The following ABRACL variants were observed in gnomAD, a reference collection of about 807,000 sequenced individuals.
The protein encoded by ABRACL is costars family protein ABRACL.
A neutral mutation model predicts 7.0 loss-of-function variants in ABRACL; 4 were observed. The observed-to-expected ratio is 0.57, with a 90% CI of 0.28 to 1.30. The LOEUF (loss-of-function observed/expected upper bound fraction) is 1.30, where lower values mean the gene tolerates loss of function less well. Ranked by LOEUF, ABRACL falls within the 50% of genes most tolerant of loss-of-function variation. ABRACL has a pLI of 0.10. For missense variants in ABRACL, 104 were observed against 97.3 expected, an observed-to-expected ratio of 1.07 and a Z score of -0.29; for synonymous variants, 30 against 36.0, an observed-to-expected ratio of 0.83 and a Z score of 0.60.
Position 139,042,763 on chromosome 6 carries a change from GAT to G in ABRACL, c.107_108del (p.Asp36GlyfsTer2), listed in dbSNP as rs560335878. On this transcript the variant is annotated frameshift_variant, in exon 3 of 3. Coordinates refer to ENST00000367660, the MANE Select transcript of ABRACL (RefSeq NM_021243.3). LOFTEE classifies it high-confidence loss of function. ...CGTGAAATTTGGGGTCCTCTTCCGT[GAT>G]GATAAATGTGCCAACCTCTTTGAAG... ...LSVKFGVLFRDDKCANLFEAL... is the reference protein window; with the variant it reads ...LSVKFGVLFRXDKCANLFEAL... 1.9e-6 allele frequency: 3 copies of G among 1,613,368 alleles called. No individual in the cohort carries two copies. In the African/African-American group the frequency reaches 4.0e-5, roughly 22 times the overall value.
chr6:139,041,451 C>CTATATATATATA (rs1554211122), intron 2 of ABRACL, among the ~76,000 whole-genome samples: 12 of 110,038 alleles, frequency 1.1e-4, no homozygotes, highest in South Asian at 8.7e-4. Flanking sequence ...CTCTCTCTCT[C>CTATATATATATA]TATATATATA....
intron 1 of ABRACL, among the ~76,000 whole-genome samples, chr6:139,029,957 C>T (rs1280334716): frequency 6.6e-6 from 1 of 152,098 alleles, no homozygotes; most frequent in Non-Finnish European, 1.5e-5. Context: ...TGGTGAGTTT[C>T]GGGTTCTGCC....
intron 1 of ABRACL, among the ~76,000 whole-genome samples, chr6:139,029,398 G>A (rs1452749411): frequency 3.9e-5 from 6 of 152,156 alleles, no homozygotes; most frequent in Admixed American, 2.0e-4. Context: ...GGCAGGGTCC[G>A]TTTTCGTCGC....
At chr6:139,034,380 A>T (rs753894007) in intron 2 of ABRACL, 159 bp downstream of exon 2, 10 of 1,557,434 alleles carry the variant, frequency 6.4e-6, no homozygotes, top group Non-Finnish European at 8.7e-6. Flanking sequence ...CTTAGCCAGG[A>T]ATTGACATCT....
chr6:139,043,158 G>T lies in ABRACL; in HGVS notation c.*255G>T. On this transcript the variant is annotated 3_prime_UTR_variant, in exon 3 of 3. Coordinates refer to ENST00000367660, the MANE Select transcript of ABRACL (RefSeq NM_021243.3). ...AGGCAATGAGATTTTTTGCGGGGCA[G>T]GGATGGGAATGTTTGTTCATAAATA... The T allele has an allele frequency of 6.7e-6, 2 of 299,708 alleles. No individual in the cohort carries two copies. Among genetic ancestry groups the T allele is most frequent in the Admixed American group, 5.0e-5 (1 of 20,118 alleles). 18.6% of individuals were successfully genotyped at this position (299,708 alleles called of 1,614,324 possible). A position where few individuals can be genotyped will look rare whatever the true frequency, so the allele number is the denominator to read the frequency against.
At chr6:139,033,169 G>C (rs943719466) in intron 1 of ABRACL, among the ~76,000 whole-genome samples, 1 of 152,214 alleles carries the variant, frequency 6.6e-6, no homozygotes, top group Admixed American at 6.5e-5. Flanking sequence ...GAGAGAGCAA[G>C]GGGGCATTTG....
intron 2 of ABRACL, chr6:139,034,553 A>T (rs1786127012): frequency 7.0e-6 from 6 of 853,910 alleles, no homozygotes; most frequent in Non-Finnish European, 1.0e-5. Flanking sequence ...TACTATTAAA[A>T]TTCATGTTTT....
At position 139,037,913 on chromosome 6, in the gene ABRACL, A is replaced by G. The variant is rs549448966; in HGVS notation, c.61+3692A>G. Reference sequence around the variant, plus strand: ...TGCCTCAGCCTCCTGAGTAGCTGGGATTACAGGCATCTGCCACCACCCCCA... The same window carrying G: ...TGCCTCAGCCTCCTGAGTAGCTGGGGTTACAGGCATCTGCCACCACCCCCA... On this transcript the variant is annotated intron_variant, in intron 2 of 2. Coordinates refer to ENST00000367660, the MANE Select transcript of ABRACL (RefSeq NM_021243.3). 2.0e-3 allele frequency among the ~76,000 whole-genome samples: 297 copies of G among 151,386 alleles called. 2 individuals are homozygous for G. The highest frequency in any genetic ancestry group is 3.4e-3 in the Non-Finnish European group (229 of 67,908).
intron 2 of ABRACL, among the ~76,000 whole-genome samples, chr6:139,042,057 G>A (rs994176917): frequency 2.6e-5 from 4 of 152,130 alleles, no homozygotes; most frequent in African/African-American, 7.2e-5. Context: ...CAAAGGAATC[G>A]CCCAAGGATA....
chr6:139,029,722 C>A (rs1401428863), intron 1 of ABRACL, among the ~76,000 whole-genome samples: 1 of 151,966 alleles, frequency 6.6e-6, no homozygotes, highest in African/African-American at 2.4e-5. Context: ...AGTAAGGAGC[C>A]CAGTCACCCT....
At chr6:139,039,349 T>G (rs1479413308) in intron 2 of ABRACL, among the ~76,000 whole-genome samples, 2 of 152,216 alleles carry the variant, frequency 1.3e-5, no homozygotes, top group African/African-American at 4.8e-5. Context: ...GTGTCTTATC[T>G]TCCATGAAAT....
At chr6:139,029,524 C>T (rs1363273676) in intron 1 of ABRACL, among the ~76,000 whole-genome samples, 1 of 151,994 alleles carries the variant, frequency 6.6e-6, no homozygotes, top group African/African-American at 2.4e-5. Context: ...GCGGCCCTTC[C>T]CGGGCGCCAG....
chr6:139,034,100 T>C, intron 1 of ABRACL, 55 bp from the exon 2 acceptor site: 1 of 1,607,072 alleles, frequency 6.2e-7, no homozygotes, highest in Admixed American at 1.7e-5. Context: ...TGGATTTGGA[T>C]GTGCTTAATG....
chr6:139,034,073 A>C (rs1786120283), intron 1 of ABRACL, 82 bp from the exon 2 acceptor site: 1 of 1,572,462 alleles, frequency 6.4e-7, no homozygotes, highest in Admixed American at 1.7e-5. Context: ...CGCGACCTGA[A>C]CAAGACAAAG....
chr6:139,033,098 C>T lies in ABRACL; in HGVS notation c.-6-1057C>T, dbSNP rs1786105640. Among the ~76,000 whole-genome samples, 3 of 152,126 alleles carry T rather than the reference C, an allele frequency of 2.0e-5. 1 individual carries two copies. In the South Asian group the frequency reaches 6.2e-4, roughly 32 times the overall value. ...GGAGCAGGATGTGTGTGAATTAGCT[C>T]CTGGAAGGAGGAATAGCTATAGTCT... On this transcript the variant is annotated intron_variant, in intron 1 of 2. Coordinates refer to ENST00000367660, the MANE Select transcript of ABRACL (RefSeq NM_021243.3).
chr6:139,042,580 G>T, intron 2 of ABRACL, 139 bp from the exon 3 acceptor site: 2 of 734,492 alleles, frequency 2.7e-6, no homozygotes, highest in Non-Finnish European at 4.4e-6. Context: ...AGAATATGTT[G>T]AATTTATGAC....
At chr6:139,030,687 C>G (rs1329930454) in intron 1 of ABRACL, among the ~76,000 whole-genome samples, 3 of 152,170 alleles carry the variant, frequency 2.0e-5, no homozygotes, top group Non-Finnish European at 4.4e-5. Context: ...CAGCATGTCA[C>G]GTTTCATACA....
At chr6:139,039,276 A>G (rs1383614566) in intron 2 of ABRACL, among the ~76,000 whole-genome samples, 1 of 152,152 alleles carries the variant, frequency 6.6e-6, no homozygotes, top group Non-Finnish European at 1.5e-5. Flanking sequence ...AGTACATGGC[A>G]TGCTATGGTT....
rs546894854 is a variant in ABRACL, at chr6:139,037,567, T to G, written c.61+3346T>G. ...TGAGCCACTTCATCTGGCCATAATG[T>G]ATTTAGTTTCCTAATCAAAGAAATC... On this transcript the variant is annotated intron_variant, in intron 2 of 2. Transcript: ENST00000367660. 8.5e-5 allele frequency among the ~76,000 whole-genome samples: 13 copies of G among 152,108 alleles called. No individual in the cohort carries two copies. The South Asian group carries it at 2.7e-3, about 32-fold the overall frequency.
Sources: gnomAD v4.1 joint callset for allele counts (sites outside exome capture counted in the v4.1 genomes callset) on GRCh38, gnomAD v4.1.1 for gene constraint, MANE v1.5 for transcripts, NCBI Gene and HGNC (gene_info 2026-07-23, HGNC 2026-07-21) for gene names.